Variants in CALN1 observed in about 807,000 individuals in gnomAD.
CALN1 encodes calcium-binding protein 8.
Under a neutral mutation model 30.6 loss-of-function variants are expected in CALN1, and 17 were observed. The ratio of observed to expected loss-of-function variants is 0.56; its 90% CI spans 0.38 to 0.83. The LOEUF is 0.83. CALN1 is among the 40% of genes least tolerant of loss of function. The pLI, the probability that CALN1 is intolerant of heterozygous loss-of-function variation, is 0.00. For missense variants in CALN1, 291 were observed against 354.9 expected (o/e 0.82, Z 1.45); for synonymous variants, 156 against 131.4 (o/e 1.19, Z -1.28).
upstream of CALN1, among the ~76,000 whole-genome samples, chr7:72,417,113 G>A (rs1049750461): frequency 1.3e-5 from 2 of 152,206 alleles, no homozygotes; most frequent in African/African-American, 4.8e-5. Flanking sequence ...CAGGCGGAGG[G>A]CGGTCCCAGC....
chr7:72,414,868 C>G (rs1807372460), upstream of CALN1, among the ~76,000 whole-genome samples: 2 of 152,210 alleles, frequency 1.3e-5, no homozygotes, highest in Non-Finnish European at 2.9e-5. Context: ...AATTGTGTCC[C>G]TCCTCCAAAT....
the CALN1 span, among the ~76,000 whole-genome samples, chr7:72,463,110 C>T: frequency 8.7e-5 from 13 of 148,908 alleles, no homozygotes; most frequent in Non-Finnish European, 1.9e-4. Context: ...GAATGCTTTG[C>T]ATTTTTATTT....
chr7:72,205,221 G>C (rs1316279315), intron 3 of CALN1, among the ~76,000 whole-genome samples: 1 of 150,230 alleles, frequency 6.7e-6, no homozygotes, highest in Non-Finnish European at 1.5e-5. Context: ...TTTTGTTTTT[G>C]AGATAGAGTC....
intron 2 of CALN1, among the ~76,000 whole-genome samples, chr7:72,395,040 C>T (rs1408826702): frequency 6.6e-6 from 1 of 152,064 alleles, no homozygotes; most frequent in Admixed American, 6.6e-5. Flanking sequence ...CTGATGTGCC[C>T]CAGGAACGCC....
At chr7:71,798,095 GAGAGACAGAGAGAGACAGAGACAGAGAC>G (rs1787046579) in intron 6 of CALN1, among the ~76,000 whole-genome samples, 1 of 92,840 alleles carries the variant, frequency 1.1e-5, no homozygotes, top group African/African-American at 6.4e-5. Flanking sequence ...GAGACAGAGA[GAGAGACAGAGAGAGACAGAGACAGAGAC>G]AGAGAGAGAG....
chr7:72,180,416 T>C (rs961627133), intron 3 of CALN1, among the ~76,000 whole-genome samples: 3 of 152,132 alleles, frequency 2.0e-5, no homozygotes, highest in East Asian at 1.9e-4. Context: ...TCACAGAGCC[T>C]TGCTTGATGC....
chr7:72,344,594 AAT>A (rs987719874), intron 2 of CALN1, among the ~76,000 whole-genome samples: 2 of 147,154 alleles, frequency 1.4e-5, no homozygotes, highest in African/African-American at 4.9e-5. Flanking sequence ...TTTATATGTA[AAT>A]ATATATTTAT....
intron 5 of CALN1, among the ~76,000 whole-genome samples, chr7:72,012,467 G>GT (rs1384254390): frequency 6.6e-6 from 1 of 152,164 alleles, no homozygotes; most frequent in Non-Finnish European, 1.5e-5. Context: ...AGCCGAGGTC[G>GT]TGCCACTGCA....
upstream of CALN1, among the ~76,000 whole-genome samples, chr7:72,449,642 G>C (rs548363820): frequency 1.3e-5 from 2 of 152,244 alleles, no homozygotes; most frequent in Admixed American, 1.3e-4. Context: ...AGAGGCCAAG[G>C]TGGGAGGATC....
rs147220268 is a variant in CALN1 at position 72,357,166 on chromosome 7, G to A, written c.119+46085C>T. Among the ~76,000 whole-genome samples the A allele has an allele frequency of 3.4e-3, 513 of 152,072 alleles. 20 individuals are homozygous for A. Among genetic ancestry groups the A allele is most frequent in the African/African-American group, 0.011 (458 of 41,336 alleles). On this transcript the variant is annotated intron_variant, in intron 2 of 6. Coordinates refer to ENST00000395275, the MANE Select transcript of CALN1 (RefSeq NM_031468.4). ...AATGCCAAGGAATACTTGCCAGATA[G>A]AATACAACTTGAACCAAAATGAAAT...
At chr7:71,818,403 C>A (rs1362027076) in intron 5 of CALN1, among the ~76,000 whole-genome samples, 2 of 152,054 alleles carry the variant, frequency 1.3e-5, no homozygotes, top group Non-Finnish European at 2.9e-5. Flanking sequence ...ATGTTGAGTT[C>A]TTCTGAGGCT....
At chr7:72,103,037 C>A (rs1806792574) in intron 4 of CALN1, 1 of 140,212 alleles carries the variant, frequency 7.1e-6, no homozygotes, top group South Asian at 2.2e-4. Context: ...TGTGCCACTG[C>A]ACTCCAGCCT....
At chr7:72,295,751 A>G (rs908299741) in intron 2 of CALN1, among the ~76,000 whole-genome samples, 1 of 151,540 alleles carries the variant, frequency 6.6e-6, no homozygotes, top group African/African-American at 2.4e-5. Context: ...TATCAGCTTA[A>G]GGAGATTTTG....
chr7:72,389,435 T>C (rs992168200), intron 2 of CALN1, among the ~76,000 whole-genome samples: 13 of 152,198 alleles, frequency 8.5e-5, no homozygotes, highest in African/African-American at 3.1e-4. Flanking sequence ...GCCTTAAAAG[T>C]GTCAGAGGCA....
At chr7:72,261,224 C>T (rs1026332997) in intron 3 of CALN1, among the ~76,000 whole-genome samples, 1 of 152,244 alleles carries the variant, frequency 6.6e-6, no homozygotes, top group African/African-American at 2.4e-5. Flanking sequence ...AGGAGAATTG[C>T]TTGAACCTGG....
intron 5 of CALN1, among the ~76,000 whole-genome samples, chr7:71,824,651 T>C (rs1788807171): frequency 6.6e-6 from 1 of 152,140 alleles, no homozygotes; most frequent in Admixed American, 6.6e-5. Context: ...TTTCACTGAA[T>C]GTCTGGAATG....
At chr7:72,274,016 C>T (rs6948148) in intron 3 of CALN1, among the ~76,000 whole-genome samples, 8 of 151,660 alleles carry the variant, frequency 5.3e-5, no homozygotes, top group Non-Finnish European at 1.0e-4. Context: ...TAATTTATGA[C>T]CAGAAACAGA....
chr7:71,936,475 G>A (rs1013193114), intron 5 of CALN1, among the ~76,000 whole-genome samples: 3 of 152,102 alleles, frequency 2.0e-5, no homozygotes, highest in African/African-American at 7.2e-5. Context: ...AGCTGGAAGG[G>A]CCACTGATGA....
At chr7:72,045,119 C>G (rs970493192) in intron 4 of CALN1, among the ~76,000 whole-genome samples, 5 of 152,226 alleles carry the variant, frequency 3.3e-5, no homozygotes, top group African/African-American at 4.8e-5. Flanking sequence ...TGAAGATAGT[C>G]ATCCATTTGA....
Sources: allele counts gnomAD v4.1 joint callset (sites outside exome capture counted in the v4.1 genomes callset), GRCh38; gene constraint gnomAD v4.1.1; transcripts MANE v1.5; gene names NCBI Gene and HGNC (gene_info 2026-07-23, HGNC 2026-07-21).